CCSER1: variants seen among roughly 807,000 people sequenced by gnomAD.
CCSER1 encodes the protein serine-rich coiled-coil domain-containing protein 1.
In CCSER1, 41 loss-of-function variants were observed where a neutral mutation model predicts 82.0. That is an observed-to-expected ratio of 0.50 (90% CI 0.39 to 0.65). The LOEUF (loss-of-function observed/expected upper bound fraction) is 0.65, where lower values mean the gene tolerates loss of function less well. Ranked by LOEUF, CCSER1 falls within the 30% of genes least tolerant of loss-of-function variation. The probability of loss-of-function intolerance (pLI) is 0.00; values close to 1 mark genes in which losing one functional copy is unlikely to be tolerated. For synonymous variants in CCSER1, 414 were observed against 383.9 expected (o/e 1.08, Z -0.92); for missense variants, 1,119 against 1,064.2 (o/e 1.05, Z -0.72).
chr4:90,292,921 C>G (rs1040515718), intron 1 of CCSER1, among the ~76,000 whole-genome samples: 1 of 151,858 alleles, frequency 6.6e-6, no homozygotes, highest in African/African-American at 2.4e-5. Context: ...AATTTACTAT[C>G]CTAACATGTA....
chr4:90,629,492 C>T (rs1211612459), intron 6 of CCSER1, among the ~76,000 whole-genome samples: 1 of 152,158 alleles, frequency 6.6e-6, no homozygotes, highest in Non-Finnish European at 1.5e-5. Context: ...CATCAGATCT[C>T]ATGAGACTTA....
At chr4:91,090,991 T>G (rs1181257736) in intron 10 of CCSER1, among the ~76,000 whole-genome samples, 1 of 152,170 alleles carries the variant, frequency 6.6e-6, no homozygotes, top group East Asian at 1.9e-4. Flanking sequence ...CCTTTCCCTT[T>G]TTGGAGCCAA....
At chr4:90,626,331 C>T (rs1407976951) in intron 5 of CCSER1, among the ~76,000 whole-genome samples, 1 of 152,062 alleles carries the variant, frequency 6.6e-6, no homozygotes, top group Non-Finnish European at 1.5e-5. Flanking sequence ...TCGATTATAA[C>T]TAAAGTACTA....
intron 6 of CCSER1, among the ~76,000 whole-genome samples, chr4:90,656,908 A>G (rs886329393): frequency 2.6e-5 from 4 of 152,036 alleles, no homozygotes; most frequent in Admixed American, 2.0e-4. Flanking sequence ...TAATGTTAGG[A>G]CATTAAAATA....
At chr4:91,113,385 T>C (rs1053096539) in intron 10 of CCSER1, among the ~76,000 whole-genome samples, 6 of 152,230 alleles carry the variant, frequency 3.9e-5, no homozygotes, top group Non-Finnish European at 1.5e-5. Flanking sequence ...ACCTACTGTG[T>C]GCCAAGACTT....
At chr4:90,480,790 A>G (rs1274762868) in intron 5 of CCSER1, among the ~76,000 whole-genome samples, 3 of 152,136 alleles carry the variant, frequency 2.0e-5, no homozygotes, top group African/African-American at 7.2e-5. Flanking sequence ...GCCTTGTAGT[A>G]TAGTTTGAAG....
chr4:91,006,864 T>A (rs1456312656), intron 9 of CCSER1, among the ~76,000 whole-genome samples: 2 of 152,232 alleles, frequency 1.3e-5, no homozygotes, highest in African/African-American at 4.8e-5. Context: ...CCTTGTCTTG[T>A]TCCAGATCTT....
At chr4:90,227,981 G>C (rs1395739245) in intron 1 of CCSER1, among the ~76,000 whole-genome samples, 1 of 152,208 alleles carries the variant, frequency 6.6e-6, no homozygotes, top group Non-Finnish European at 1.5e-5. Context: ...TACGCCCATG[G>C]AGTCTCACTG....
chr4:91,212,416 A>G (rs7696387), intron 10 of CCSER1, among the ~76,000 whole-genome samples: 93,810 of 151,622 alleles, frequency 0.62, 29,667 homozygotes, highest in East Asian at 0.93. Flanking sequence ...GCCATCCCTC[A>G]GTGTTTCAGC....
At chr4:91,334,202 T>C (rs191322813) in intron 10 of CCSER1, among the ~76,000 whole-genome samples, 9 of 152,222 alleles carry the variant, frequency 5.9e-5, no homozygotes, top group Middle Eastern at 3.4e-3. Context: ...TTTTCTTTGT[T>C]ATACAGCCAA....
chr4:90,135,297 A>G (rs1723465532), intron 1 of CCSER1, among the ~76,000 whole-genome samples: 1 of 152,102 alleles, frequency 6.6e-6, no homozygotes, highest in Non-Finnish European at 1.5e-5. Flanking sequence ...TTGATAAATT[A>G]CCCAATCTCA....
At chr4:90,636,313 C>A (rs1204256766) in intron 6 of CCSER1, among the ~76,000 whole-genome samples, 1 of 151,638 alleles carries the variant, frequency 6.6e-6, no homozygotes, top group Non-Finnish European at 1.5e-5. Context: ...AAAAGAAATA[C>A]ATATGACAGA....
intron 10 of CCSER1, among the ~76,000 whole-genome samples, chr4:91,390,743 C>A (rs1053188118): frequency 6.6e-6 from 1 of 151,866 alleles, no homozygotes; most frequent in Admixed American, 6.6e-5. Context: ...TATTGGTTAC[C>A]GATTCAACTT....
At chr4:91,074,403 G>C (rs545431531) in intron 9 of CCSER1, among the ~76,000 whole-genome samples, 1 of 152,276 alleles carries the variant, frequency 6.6e-6, no homozygotes, top group African/African-American at 2.4e-5. Flanking sequence ...ACTAACATCA[G>C]TGCATGTTGC....
intron 10 of CCSER1, among the ~76,000 whole-genome samples, chr4:91,113,962 C>G (rs1420113689): frequency 1.3e-5 from 2 of 151,992 alleles, no homozygotes; most frequent in African/African-American, 2.4e-5. Context: ...ACGCCGTTCT[C>G]CTGCCTCAGC....
At chr4:90,533,330 A>G (rs779344167) in intron 5 of CCSER1, among the ~76,000 whole-genome samples, 5 of 151,790 alleles carry the variant, frequency 3.3e-5, no homozygotes, top group Non-Finnish European at 7.4e-5. Context: ...CTCCTGACCT[A>G]GTAACCCGCC....
intron 10 of CCSER1, among the ~76,000 whole-genome samples, chr4:91,098,016 G>A (rs147303753): frequency 2.3e-4 from 35 of 152,190 alleles, no homozygotes; most frequent in African/African-American, 7.5e-4. Context: ...GAGACTTAAA[G>A]AAACATAATT....
chr4:90,490,882 G>T (rs372699448), intron 5 of CCSER1, among the ~76,000 whole-genome samples: 8 of 151,824 alleles, frequency 5.3e-5, no homozygotes, highest in East Asian at 1.9e-4. Flanking sequence ...TTGGTCTATA[G>T]CTCTGTTTTG....
chr4:90,705,425 C>A (rs1009010214), intron 6 of CCSER1, among the ~76,000 whole-genome samples: 5 of 152,182 alleles, frequency 3.3e-5, no homozygotes, highest in African/African-American at 1.2e-4. Flanking sequence ...GGGTCAGGGA[C>A]CCACTTGAGG....
Sources: allele counts gnomAD v4.1 joint callset (sites outside exome capture counted in the v4.1 genomes callset), GRCh38; gene constraint gnomAD v4.1.1; transcripts MANE v1.5; gene names NCBI Gene and HGNC (gene_info 2026-07-23, HGNC 2026-07-21).